ATP13A5: variants seen among roughly 807,000 people sequenced by gnomAD.
The protein encoded by ATP13A5 is probable cation-transporting ATPase 13A5.
ATP13A5 carries 149 observed loss-of-function variants against 150.2 expected under a neutral mutation model. That is an observed-to-expected ratio of 0.99 (90% CI 0.87 to 1.14). The LOEUF is 1.14. Ranked by LOEUF, ATP13A5 falls within the 50% of genes most tolerant of loss-of-function variation. The probability of loss-of-function intolerance (pLI) is 0.00; values close to 1 mark genes in which losing one functional copy is unlikely to be tolerated. For missense variants in ATP13A5, 1,383 were observed against 1,449.3 expected (o/e 0.95, Z 0.74); for synonymous variants, 497 against 522.2 (o/e 0.95, Z 0.66).
At chr3:193,351,298 C>T (rs1166088712) in intron 6 of ATP13A5, 97 bp from the exon 7 acceptor site, 1 of 1,372,160 alleles carries the variant, frequency 7.3e-7, no homozygotes, top group Non-Finnish European at 1.0e-6. Flanking sequence ...CATTTTTTTA[C>T]AACATACACA....
At chr3:193,301,618 G>A (rs1441962425) in intron 23 of ATP13A5, among the ~76,000 whole-genome samples, 1 of 152,220 alleles carries the variant, frequency 6.6e-6, no homozygotes, top group African/African-American at 2.4e-5. Flanking sequence ...GAAGTGAGAA[G>A]ATTACTATGT....
At chr3:193,306,442 T>C (rs1718622383) in intron 22 of ATP13A5, among the ~76,000 whole-genome samples, 2 of 152,256 alleles carry the variant, frequency 1.3e-5, no homozygotes, top group Admixed American at 1.3e-4. Context: ...AAGAACAGAC[T>C]AAAAATTAGC....
At chr3:193,300,884 GGA>G (rs1180142011) in intron 24 of ATP13A5, among the ~76,000 whole-genome samples, 1 of 151,984 alleles carries the variant, frequency 6.6e-6, no homozygotes, top group African/African-American at 2.4e-5. Flanking sequence ...TTCCACAATT[GGA>G]GACTCATCCA....
intron 9 of ATP13A5, among the ~76,000 whole-genome samples, chr3:193,337,822 C>G (rs745440746): frequency 3.3e-5 from 5 of 152,188 alleles, no homozygotes; most frequent in Non-Finnish European, 5.9e-5. Flanking sequence ...TTACCTTGGG[C>G]AGTATGGCCA....
intron 25 of ATP13A5, among the ~76,000 whole-genome samples, chr3:193,296,118 T>C (rs1035685613): frequency 2.6e-5 from 4 of 152,092 alleles, no homozygotes; most frequent in African/African-American, 9.7e-5. Context: ...TTTATGAATG[T>C]GGCAGCCTGC....
chr3:193,308,435 G>A (rs1718705143), intron 21 of ATP13A5, among the ~76,000 whole-genome samples: 1 of 152,094 alleles, frequency 6.6e-6, no homozygotes, highest in South Asian at 2.1e-4. Flanking sequence ...CTCCAGCCTG[G>A]GCAACAAAGC....
chr3:193,333,745 C>T lies in ATP13A5; in HGVS notation c.1272+5G>A, dbSNP rs201926626. ...CTATTGAAAAGCCTTACCCCCAGTA[C>T]TTACTCCATGGTACATATATACCCC... On this transcript the variant is annotated splice_donor_5th_base_variant and intron_variant, in intron 11 of 29. Transcript: ENST00000342358. 4.4e-4 allele frequency: 707 copies of T among 1,612,588 alleles called. 1 individual carries two copies. Among genetic ancestry groups the T allele is most frequent in the Non-Finnish European group, 5.4e-4 (636 of 1,179,224 alleles).
chr3:193,313,158 G>C (rs1718917190), intron 19 of ATP13A5: 2 of 152,238 alleles, frequency 1.3e-5, no homozygotes, highest in Non-Finnish European at 2.9e-5. Flanking sequence ...AATCTGCTGA[G>C]AGCAGAGGGA....
chr3:193,359,334 C>G (rs1712913998), intron 5 of ATP13A5, among the ~76,000 whole-genome samples: 1 of 152,134 alleles, frequency 6.6e-6, no homozygotes, highest in African/African-American at 2.4e-5. Flanking sequence ...TTCCTTTCCC[C>G]AAGACTGAGG....
intron 7 of ATP13A5, among the ~76,000 whole-genome samples, chr3:193,345,288 A>C (rs1456242171): frequency 6.6e-6 from 1 of 152,152 alleles, no homozygotes; most frequent in Non-Finnish European, 1.5e-5. Context: ...GTTTAATGCT[A>C]TCTCACTCCC....
At chr3:193,279,816 G>T (rs1405489130) in intron 27 of ATP13A5, among the ~76,000 whole-genome samples, 1 of 151,770 alleles carries the variant, frequency 6.6e-6, no homozygotes, top group Admixed American at 6.6e-5. Flanking sequence ...ATAAAGTTCA[G>T]GGATCCTCTA....
At position 193,290,040 on chromosome 3, in the gene ATP13A5, G is replaced by T; in HGVS notation, c.2868C>A (p.Tyr956Ter). 6.2e-7 allele frequency: 1 copy of T among 1,606,134 alleles called. No individual in the cohort carries two copies. Among genetic ancestry groups the T allele is most frequent in the South Asian group, 1.1e-5 (1 of 89,334 alleles). The change falls in exon 26 of 30, where the codon TAC becomes TAA. Residue 956 changes from tyrosine (Y) to a stop codon, truncating the protein, a stop_gained. Transcript: ENST00000342358. LOFTEE classifies it high-confidence loss of function. ...CTGGTCTATATGGAGCCAGCTTTGG[G>T]TAGGCATGAGTTGAACTCACTGAAA... The part of the protein sequence containing the change: ...VCLTMSSTHA[Y>*]PKLAPYRPAG...
At chr3:193,290,859 A>G (rs1717924286) in intron 25 of ATP13A5, among the ~76,000 whole-genome samples, 1 of 152,158 alleles carries the variant, frequency 6.6e-6, no homozygotes, top group South Asian at 2.1e-4. Context: ...AAGGCAGAGC[A>G]GGAAGGAAGC....
intron 10 of ATP13A5, 36 bp from the exon 11 acceptor site, chr3:193,333,943 T>C: frequency 6.3e-7 from 1 of 1,587,732 alleles, no homozygotes; most frequent in African/African-American, 1.3e-5. Flanking sequence ...GTAAGGCTGC[T>C]TGATGGACAC....
Position 193,276,613 on chromosome 3 carries a change from A to C in ATP13A5, c.3396+137T>G. ...CCCCCCAAAATTTTCCTCCAAAAGA[A>C]TATGTACCATTTTAATAAACCCTTA... On this transcript the variant is annotated intron_variant, in intron 29 of 29. Transcript: ENST00000342358. The C allele has an allele frequency of 4.7e-6, 3 of 640,264 alleles. No individual in the cohort carries two copies. In the South Asian group the frequency reaches 6.5e-5, roughly 14 times the overall value. The allele number at this position is 640,264 out of a possible 1,614,324, so 39.7% of individuals were successfully genotyped here.
chr3:193,319,748 A>G (rs1033485239), intron 16 of ATP13A5, among the ~76,000 whole-genome samples: 1 of 149,062 alleles, frequency 6.7e-6, no homozygotes, highest in African/African-American at 2.4e-5. Context: ...TGAGAGAAAC[A>G]GCTGATTTTC....
Position 193,366,265 on chromosome 3 carries a change from A to G in ATP13A5, c.64-1985T>C, listed in dbSNP as rs931615398. Among the ~76,000 whole-genome samples the G allele has an allele frequency of 1.8e-4, 27 of 152,174 alleles. No homozygotes were observed. The East Asian group carries it at 2.5e-3, about 14-fold the overall frequency. ...TTAACCCAACTATATTAGTAATTGC[A>G]TTAAATGCATGTGGCCTTAATGCTA... On this transcript the variant is annotated intron_variant, in intron 1 of 29. Transcript: ENST00000342358.
intron 1 of ATP13A5, among the ~76,000 whole-genome samples, chr3:193,365,036 T>A (rs929038235): frequency 6.6e-6 from 1 of 152,154 alleles, no homozygotes; most frequent in Non-Finnish European, 1.5e-5. Context: ...GTTCCCAACT[T>A]GTACAGTGAT....
chr3:193,364,777 G>A (rs891872677), intron 1 of ATP13A5, among the ~76,000 whole-genome samples: 4 of 152,056 alleles, frequency 2.6e-5, no homozygotes, highest in African/African-American at 4.8e-5. Flanking sequence ...TGAGGACGAC[G>A]GAAAGTATGA....
Sources: gnomAD v4.1 joint callset for allele counts (sites outside exome capture counted in the v4.1 genomes callset) on GRCh38, gnomAD v4.1.1 for gene constraint, MANE v1.5 for transcripts, NCBI Gene and HGNC (gene_info 2026-07-23, HGNC 2026-07-21) for gene names.